The following WDR59 variants were observed in gnomAD, a reference collection of about 807,000 sequenced individuals.
WDR59 encodes WD repeat domain 59, also known as GATOR2 complex protein WDR59.
A neutral mutation model predicts 131.2 loss-of-function variants in WDR59; 100 were observed. That is an observed-to-expected ratio of 0.76 (90% CI 0.65 to 0.90). The LOEUF is 0.90. Ranked by LOEUF, WDR59 falls within the 40% of genes least tolerant of loss-of-function variation. WDR59 has a pLI of 0.00. For synonymous variants in WDR59, 601 were observed against 466.2 expected (o/e 1.29, Z -3.72); for missense variants, 1,203 against 1,262.2 (o/e 0.95, Z 0.71).
intron 4 of WDR59, among the ~76,000 whole-genome samples, chr16:74,951,159 C>CAAAAAA (rs71378721): frequency 1.3e-5 from 1 of 74,608 alleles, no homozygotes; most frequent in African/African-American, 5.5e-5. Flanking sequence ...GACTTCGTCT[C>CAAAAAA]AAAAAAAAAA....
intron 1 of WDR59, among the ~76,000 whole-genome samples, chr16:74,968,975 G>C (rs923311261): frequency 6.6e-6 from 1 of 152,162 alleles, no homozygotes; most frequent in East Asian, 1.9e-4. Context: ...GACCTAACCA[G>C]AGAAAGTCAG....
chr16:74,983,851 C>T (rs575511717), intron 1 of WDR59, among the ~76,000 whole-genome samples: 4 of 150,654 alleles, frequency 2.7e-5, no homozygotes, highest in African/African-American at 7.2e-5. Flanking sequence ...TGTTGGCATG[C>T]GCCTGTAGTC....
At chr16:74,899,564 T>C (rs555661163) in intron 18 of WDR59, 37 of 625,836 alleles carry the variant, frequency 5.9e-5, no homozygotes, top group Middle Eastern at 6.6e-4. Flanking sequence ...AAGCAAAAAA[T>C]TGACTGTTGC....
At chr16:74,954,020 G>A (rs1195323004) in intron 3 of WDR59, among the ~76,000 whole-genome samples, 1 of 151,258 alleles carries the variant, frequency 6.6e-6, no homozygotes, top group East Asian at 2.0e-4. Flanking sequence ...AAAGAAAAAG[G>A]GCAGAGGCCT....
intron 6 of WDR59, among the ~76,000 whole-genome samples, chr16:74,946,778 T>C (rs891710927): frequency 5.3e-5 from 8 of 151,910 alleles, no homozygotes; most frequent in African/African-American, 1.9e-4. Flanking sequence ...AATCATATCA[T>C]CCAGCTGCTA....
chr16:74,930,496 T>C (rs1304713223), intron 8 of WDR59, among the ~76,000 whole-genome samples: 1 of 151,940 alleles, frequency 6.6e-6, no homozygotes, highest in Non-Finnish European at 1.5e-5. Flanking sequence ...CTTGAAAACA[T>C]GGTAAAAACA....
intron 4 of WDR59, among the ~76,000 whole-genome samples, chr16:74,950,943 G>T (rs1367871109): frequency 8.0e-5 from 12 of 149,592 alleles, no homozygotes; most frequent in Non-Finnish European, 1.5e-4. Flanking sequence ...GTCACTTCAA[G>T]TTAGGAGTTC....
intron 21 of WDR59, 139 bp downstream of exon 21, chr16:74,889,564 G>A (rs1964939130): frequency 3.1e-6 from 2 of 635,546 alleles, no homozygotes; most frequent in Non-Finnish European, 5.5e-6. Context: ...AATTATTTCA[G>A]CACTGAAAGG....
intron 8 of WDR59, among the ~76,000 whole-genome samples, chr16:74,924,823 G>A (rs1481581279): frequency 6.6e-6 from 1 of 152,098 alleles, no homozygotes; most frequent in Non-Finnish European, 1.5e-5. Context: ...ATCTTGCCAT[G>A]TTGCCCGGGC....
Position 74,949,771 on chromosome 16 carries a change from A to G in WDR59, c.354T>C (p.Pro118=). The change falls in exon 5 of 26, where the codon CCT becomes CCC. Residue 118 remains proline (P), a synonymous_variant. Transcript: ENST00000262144. ...ISDLDWAVFE[P]DLLVTSSVDT... is the part of the protein sequence containing the mutation. Reference sequence around the variant, plus strand: ...CCACAGAGCTGGTAACCAGGAGGTCAGGCTCAAACACCGCCCAGTCCAAGT... The same window carrying G: ...CCACAGAGCTGGTAACCAGGAGGTCGGGCTCAAACACCGCCCAGTCCAAGT... 6.2e-7 allele frequency: 1 copy of G among 1,614,034 alleles called. No individual in the cohort carries two copies. The highest frequency in any genetic ancestry group is 8.5e-7 in the Non-Finnish European group (1 of 1,179,934).
At chr16:74,972,849 A>G (rs1247678704) in intron 1 of WDR59, among the ~76,000 whole-genome samples, 2 of 126,860 alleles carry the variant, frequency 1.6e-5, no homozygotes, top group African/African-American at 2.9e-5. Flanking sequence ...AAAAAAAAAA[A>G]GAGGTTTTAC....
At chr16:74,882,771 T>C (rs12443978) in intron 25 of WDR59, among the ~76,000 whole-genome samples, 37,131 of 129,904 alleles carry the variant, frequency 0.29, 5,095 homozygotes, top group Middle Eastern at 0.46. Flanking sequence ...GATCGCATGA[T>C]TGCAGTCCAG....
At chr16:74,974,958 A>G (rs2034127670) in intron 1 of WDR59, among the ~76,000 whole-genome samples, 2 of 152,126 alleles carry the variant, frequency 1.3e-5, no homozygotes, top group Non-Finnish European at 2.9e-5. Flanking sequence ...TTTTGCTGTA[A>G]TATGTAATGA....
At chr16:74,907,387 ATGATAG>A (rs1965870468) in intron 17 of WDR59, among the ~76,000 whole-genome samples, 1 of 152,086 alleles carries the variant, frequency 6.6e-6, no homozygotes, top group Non-Finnish European at 1.5e-5. Flanking sequence ...TGCTGTTCTC[ATGATAG>A]TGAGTGAGTT....
chr16:74,918,642 G>A (rs1454214412), intron 10 of WDR59, among the ~76,000 whole-genome samples: 1 of 152,156 alleles, frequency 6.6e-6, no homozygotes, highest in South Asian at 2.1e-4. Context: ...AAAAGGTTCA[G>A]GGTGCTTTAT....
chr16:74,917,080 T>C (rs1189603822), intron 11 of WDR59, among the ~76,000 whole-genome samples: 1 of 152,162 alleles, frequency 6.6e-6, no homozygotes, highest in East Asian at 1.9e-4. Flanking sequence ...GTGAGACACC[T>C]TCCCACTGTC....
At chr16:74,921,846 C>T (rs1001279439) in intron 10 of WDR59, 101 bp downstream of exon 10, 20 of 1,423,738 alleles carry the variant, frequency 1.4e-5, no homozygotes, top group Non-Finnish European at 1.6e-5. Context: ...TAAAGCCCAG[C>T]TCTCTCTATG....
chr16:74,958,240 C>T (rs1355795762), intron 2 of WDR59, among the ~76,000 whole-genome samples: 1 of 151,854 alleles, frequency 6.6e-6, no homozygotes, highest in African/African-American at 2.4e-5. Flanking sequence ...CCTCCAAAGA[C>T]AAAGAAAATG....
chr16:74,954,037 G>A (rs2033155327), intron 3 of WDR59, among the ~76,000 whole-genome samples: 1 of 151,060 alleles, frequency 6.6e-6, no homozygotes, highest in African/African-American at 2.4e-5. Flanking sequence ...GCCTTGAATA[G>A]ACATTTCTCC....
Sources: gnomAD v4.1 joint callset for allele counts (sites outside exome capture counted in the v4.1 genomes callset) on GRCh38, gnomAD v4.1.1 for gene constraint, MANE v1.5 for transcripts, NCBI Gene and HGNC (gene_info 2026-07-23, HGNC 2026-07-21) for gene names.